The following EXTL3 variants were observed in gnomAD, a reference collection of about 807,000 sequenced individuals.
EXTL3 encodes exostosin-like 3.
EXTL3 carries 27 observed loss-of-function variants against 69.3 expected under a neutral mutation model. The ratio of observed to expected loss-of-function variants is 0.39; its 90% confidence interval spans 0.29 to 0.54. The LOEUF is 0.54. Ranked by LOEUF, EXTL3 falls within the 20% of genes least tolerant of loss-of-function variation. EXTL3 has a pLI of 0.69. For missense variants in EXTL3, 1,003 were observed against 1,231.8 expected (o/e 0.81, Z 2.78); for synonymous variants, 511 against 499.4 (o/e 1.02, Z -0.31).
intron 2 of EXTL3, among the ~76,000 whole-genome samples, chr8:28,613,171 ATTTTG>A (rs1251492359): frequency 6.6e-6 from 1 of 151,112 alleles, no homozygotes; most frequent in East Asian, 1.9e-4. Context: ...TTTTTTTGGT[ATTTTG>A]TTTTGTTTTG....
At chr8:28,729,841 CT>C (rs756826180) in intron 3 of EXTL3, among the ~76,000 whole-genome samples, 1,878 of 129,822 alleles carry the variant, frequency 0.014, 8 homozygotes, top group South Asian at 0.031. Context: ...CGAGAACTCG[CT>C]TTTTTTTTTT....
chr8:28,701,201 TC>T (rs1447102021), upstream of EXTL3: 2 of 152,132 alleles, frequency 1.3e-5, no homozygotes, highest in Non-Finnish European at 2.9e-5. Flanking sequence ...CAGACCCGGT[TC>T]CCACGCCGCC....
chr8:28,656,917 T>A (rs558165964), intron 1 of EXTL3, among the ~76,000 whole-genome samples: 61 of 132,444 alleles, frequency 4.6e-4, no homozygotes, highest in Non-Finnish European at 7.5e-4. Flanking sequence ...TTCTTCACAC[T>A]CTCTCTCTCT....
intron 6 of EXTL3, among the ~76,000 whole-genome samples, chr8:28,749,730 A>G (rs1024718859): frequency 6.6e-6 from 1 of 152,208 alleles, no homozygotes; most frequent in South Asian, 2.1e-4. Flanking sequence ...ACTGTCACCC[A>G]GGCTGGAGTG....
intron 2 of EXTL3, among the ~76,000 whole-genome samples, chr8:28,608,638 G>A (rs1204158619): frequency 6.6e-6 from 1 of 151,914 alleles, no homozygotes; most frequent in Non-Finnish European, 1.5e-5. Context: ...CGAAGCGGGG[G>A]GATCACTTGA....
intron 4 of EXTL3, among the ~76,000 whole-genome samples, chr8:28,734,452 C>G (rs1238238553): frequency 1.3e-5 from 2 of 152,188 alleles, no homozygotes; most frequent in African/African-American, 4.8e-5. Flanking sequence ...TGGCTTACAC[C>G]TGTAATCCCA....
intron 2 of EXTL3, among the ~76,000 whole-genome samples, chr8:28,615,489 G>A (rs576919992): frequency 9.9e-5 from 15 of 152,278 alleles, no homozygotes; most frequent in African/African-American, 3.1e-4. Flanking sequence ...CCCGTTTGTC[G>A]TTATGTAATG....
chr8:28,681,658 C>T (rs1435149090), intron 1 of EXTL3, among the ~76,000 whole-genome samples: 1 of 152,156 alleles, frequency 6.6e-6, no homozygotes, highest in Non-Finnish European at 1.5e-5. Context: ...TGGGTAAATA[C>T]TACAGACGTG....
intron 1 of EXTL3, among the ~76,000 whole-genome samples, chr8:28,655,922 A>G (rs1807003179): frequency 6.6e-6 from 1 of 152,108 alleles, no homozygotes; most frequent in Non-Finnish European, 1.5e-5. Context: ...GAGAGAGAGG[A>G]AGGGACTAAT....
At chr8:28,744,762 C>T (rs1801850805) in intron 6 of EXTL3, among the ~76,000 whole-genome samples, 2 of 150,534 alleles carry the variant, frequency 1.3e-5, no homozygotes, top group African/African-American at 4.9e-5. Flanking sequence ...CACTGCACTC[C>T]AGCCTGGGTG....
intron 1 of EXTL3, among the ~76,000 whole-genome samples, chr8:28,625,230 T>A (rs1806473305): frequency 6.6e-6 from 1 of 152,176 alleles, no homozygotes; most frequent in Non-Finnish European, 1.5e-5. Context: ...GCACATAGGA[T>A]CTATAAATGG....
At chr8:28,742,852 T>G (rs1192661097) in intron 5 of EXTL3, 1 of 538,106 alleles carries the variant, frequency 1.9e-6, no homozygotes, top group Non-Finnish European at 3.4e-6. Context: ...GGAGATGATA[T>G]GACATTCTGT....
At position 28,751,464 on chromosome 8, in the gene EXTL3, G is replaced by C. The variant is rs1055914583; in HGVS notation, c.*598G>C. The stretch of plus-strand genomic sequence containing the variant: ...GCCATCTGTGTGCAGCAACCAGAAA[G>C]GGATGAACTTGGCCCTCTTGCGGGC... On this transcript the variant is annotated 3_prime_UTR_variant, in exon 7 of 7. Coordinates refer to ENST00000220562, the MANE Select transcript of EXTL3 (RefSeq NM_001440.4). 2.6e-5 allele frequency: 4 copies of C among 153,960 alleles called. No homozygotes were observed. The highest frequency in any genetic ancestry group is 9.7e-5 in the African/African-American group (4 of 41,442). 9.5% of individuals were successfully genotyped at this position (153,960 alleles called of 1,614,324 possible).
chr8:28,647,317 C>T (rs940333493), intron 1 of EXTL3, among the ~76,000 whole-genome samples: 11 of 152,074 alleles, frequency 7.2e-5, no homozygotes, highest in African/African-American at 2.4e-4. Context: ...GTTGTCCAGG[C>T]TGGTCTCGAA....
At chr8:28,677,533 C>G (rs1056695124) in intron 1 of EXTL3, among the ~76,000 whole-genome samples, 1 of 152,154 alleles carries the variant, frequency 6.6e-6, no homozygotes, top group Non-Finnish European at 1.5e-5. Flanking sequence ...ATCATTATTG[C>G]AAAATTGTGT....
intron 3 of EXTL3, among the ~76,000 whole-genome samples, chr8:28,718,992 C>T (rs945377336): frequency 1.3e-5 from 2 of 152,098 alleles, no homozygotes; most frequent in Admixed American, 6.5e-5. Flanking sequence ...AGAGAGATGG[C>T]GACCATCTCT....
chr8:28,743,914 A>G (rs560762680), intron 6 of EXTL3: 13 of 153,046 alleles, frequency 8.5e-5, no homozygotes, highest in African/African-American at 2.2e-4. Context: ...TAAGTACTAT[A>G]TAAATTATTT....
downstream of EXTL3, among the ~76,000 whole-genome samples, chr8:28,756,242 C>G (rs1450172415): frequency 6.6e-6 from 1 of 152,212 alleles, no homozygotes; most frequent in Non-Finnish European, 1.5e-5. Context: ...GCTCCTTCCT[C>G]CTAGTCAGTC....
At chr8:28,624,938 C>T (rs1806469112) in intron 1 of EXTL3, among the ~76,000 whole-genome samples, 1 of 152,200 alleles carries the variant, frequency 6.6e-6, no homozygotes, top group Admixed American at 6.5e-5. Context: ...GTATCTCCAG[C>T]ATCAACTGTG....
Sources: allele counts gnomAD v4.1 joint callset (sites outside exome capture counted in the v4.1 genomes callset), GRCh38; gene constraint gnomAD v4.1.1; transcripts MANE v1.5; gene names NCBI Gene and HGNC (gene_info 2026-07-23, HGNC 2026-07-21).